SOX6: variants seen among roughly 807,000 people sequenced by gnomAD.
SOX6 encodes transcription factor SOX-6.
SOX6 carries 11 observed loss-of-function variants against 97.8 expected under a neutral mutation model. That is an observed-to-expected ratio of 0.11 (90% CI 0.07 to 0.19). SOX6 has a LOEUF of 0.19. Among genes scored for constraint, SOX6 ranks in the 10% least tolerant of loss-of-function variants. The pLI is 1.00. For synonymous variants in SOX6, 360 were observed against 371.4 expected, an observed-to-expected ratio of 0.97 and a Z score of 0.35; for missense variants, 810 against 1,039.5, an observed-to-expected ratio of 0.78 and a Z score of 3.04.
rs1046304136 is a variant in SOX6 at position 15,969,152 on chromosome 11, G to A, written c.*3657C>T. ...AAGTGACAAGGAGAACCCTGACCCT[G>A]TAAGTTCTTTAACAAAATGGAGATA... On this transcript the variant is annotated 3_prime_UTR_variant, in exon 16 of 16. Transcript: ENST00000683767. 3 of 144,800 alleles carry A rather than the reference G, an allele frequency of 2.1e-5. No individual in the cohort carries two copies. The highest frequency in any genetic ancestry group is 7.8e-5 in the African/African-American group (3 of 38,532). The allele number at this position is 144,800 out of a possible 1,614,324, so 9.0% of individuals were successfully genotyped here.
chr11:16,138,420 A>T (rs1850031340), intron 6 of SOX6, among the ~76,000 whole-genome samples: 2 of 152,182 alleles, frequency 1.3e-5, no homozygotes, highest in Non-Finnish European at 2.9e-5. Flanking sequence ...CCTTTATAGC[A>T]ATAAGATCCA....
intron 2 of SOX6, among the ~76,000 whole-genome samples, chr11:16,336,378 C>T (rs1478762089): frequency 6.6e-6 from 1 of 152,112 alleles, no homozygotes; most frequent in East Asian, 1.9e-4. Flanking sequence ...TCTTGTCATT[C>T]TTGACTATGT....
At chr11:16,590,726 C>T (rs1297782809) in intron 4 of SOX6, among the ~76,000 whole-genome samples, 1 of 151,652 alleles carries the variant, frequency 6.6e-6, no homozygotes, top group African/African-American at 2.4e-5. Flanking sequence ...TTATCACTTA[C>T]ATGTGAGAGC....
intron 1 of SOX6, among the ~76,000 whole-genome samples, 162 bp downstream of exon 1, chr11:16,355,932 T>A (rs1354102602): frequency 1.3e-5 from 2 of 152,092 alleles, no homozygotes; most frequent in Non-Finnish European, 2.9e-5. Flanking sequence ...ACAAATGTCA[T>A]GCAAAAATGC....
At chr11:16,608,281 A>G (rs1438250436) in intron 4 of SOX6, among the ~76,000 whole-genome samples, 1 of 152,156 alleles carries the variant, frequency 6.6e-6, no homozygotes, top group Non-Finnish European at 1.5e-5. Flanking sequence ...TATGAATGGT[A>G]GCTTGTGCTT....
intron 3 of SOX6, among the ~76,000 whole-genome samples, chr11:16,256,155 C>A (rs1853676112): frequency 1.3e-5 from 2 of 151,948 alleles, no homozygotes; most frequent in South Asian, 4.1e-4. Context: ...TATATCATTT[C>A]TTTCAGAAGA....
At chr11:16,555,207 A>C (rs1847737516) in intron 4 of SOX6, among the ~76,000 whole-genome samples, 1 of 151,952 alleles carries the variant, frequency 6.6e-6, no homozygotes, top group Non-Finnish European at 1.5e-5. Context: ...ACAATATGGA[A>C]TAAAAAAGAA....
intron 7 of SOX6, among the ~76,000 whole-genome samples, chr11:16,098,113 G>C (rs1353007678): frequency 6.6e-6 from 1 of 151,766 alleles, no homozygotes; most frequent in African/African-American, 2.4e-5. Context: ...AGGGCTCTGA[G>C]CTATTGACTG....
At chr11:16,576,439 C>T (rs72859475) in intron 4 of SOX6, among the ~76,000 whole-genome samples, 16,045 of 152,076 alleles carry the variant, frequency 0.11, 917 homozygotes, top group Non-Finnish European at 0.14. Context: ...ATATAAAATC[C>T]CACTACCTCA....
chr11:16,723,123 C>T (rs1465494701), intron 2 of SOX6, among the ~76,000 whole-genome samples: 2 of 152,162 alleles, frequency 1.3e-5, no homozygotes, highest in South Asian at 2.1e-4. Context: ...AGTACATATA[C>T]ACCATGGAAT....
At chr11:16,376,178 G>T (rs951378927) in intron 1 of SOX6, among the ~76,000 whole-genome samples, 1 of 151,950 alleles carries the variant, frequency 6.6e-6, no homozygotes, top group Non-Finnish European at 1.5e-5. Flanking sequence ...AAAGTATAAT[G>T]ATAATAATAA....
chr11:16,092,258 G>C (rs2133969086), intron 9 of SOX6, among the ~76,000 whole-genome samples: 1 of 151,954 alleles, frequency 6.6e-6, no homozygotes, highest in South Asian at 2.1e-4. Context: ...TGTTTTGGGG[G>C]GGACAGGTTT....
At chr11:16,508,498 G>T (rs1423093909) in intron 4 of SOX6, among the ~76,000 whole-genome samples, 2 of 151,978 alleles carry the variant, frequency 1.3e-5, no homozygotes. Flanking sequence ...ATACTATTTG[G>T]CCATAAAAAA....
At chr11:16,372,673 G>A (rs1692069431) in intron 1 of SOX6, among the ~76,000 whole-genome samples, 1 of 152,062 alleles carries the variant, frequency 6.6e-6, no homozygotes, top group Non-Finnish European at 1.5e-5. Context: ...CACAGGAGAG[G>A]AATTGCAGAA....
At chr11:16,368,577 A>G (rs1857420176) in intron 1 of SOX6, among the ~76,000 whole-genome samples, 1 of 152,190 alleles carries the variant, frequency 6.6e-6, no homozygotes, top group Non-Finnish European at 1.5e-5. Flanking sequence ...ATGAAGTTTA[A>G]CCCTTATCTT....
chr11:16,134,312 T>C (rs1849898326), intron 6 of SOX6, among the ~76,000 whole-genome samples: 1 of 152,160 alleles, frequency 6.6e-6, no homozygotes, highest in South Asian at 2.1e-4. Flanking sequence ...ATGCTGAGAT[T>C]TTCAAGACTG....
intron 3 of SOX6, among the ~76,000 whole-genome samples, chr11:16,249,637 T>C (rs1853449348): frequency 6.6e-6 from 1 of 152,162 alleles, no homozygotes; most frequent in Admixed American, 6.5e-5. Flanking sequence ...CCAGTACCAA[T>C]TTATCTGACA....
intron 3 of SOX6, among the ~76,000 whole-genome samples, chr11:16,618,391 C>G (rs1848497828): frequency 6.6e-6 from 1 of 151,664 alleles, no homozygotes. Context: ...CTAATTACTA[C>G]AAAGCAATAT....
intron 13 of SOX6, among the ~76,000 whole-genome samples, chr11:16,007,384 G>T (rs1328324061): frequency 3.9e-5 from 6 of 152,032 alleles, no homozygotes; most frequent in Non-Finnish European, 8.8e-5. Flanking sequence ...ATATATGTGG[G>T]CCATCATTGA....
Sources: gnomAD v4.1 joint callset for allele counts (sites outside exome capture counted in the v4.1 genomes callset) on GRCh38, gnomAD v4.1.1 for gene constraint, MANE v1.5 for transcripts, NCBI Gene and HGNC (gene_info 2026-07-23, HGNC 2026-07-21) for gene names.